Variants in REPS1 observed in about 807,000 individuals in gnomAD.
REPS1 encodes the protein RALBP1 associated Eps domain containing 1, also known as ralBP1-associated Eps domain-containing protein 1.
A neutral mutation model predicts 100.9 loss-of-function variants in REPS1; 39 were observed. That is an observed-to-expected ratio of 0.39 (90% confidence interval 0.30 to 0.50). REPS1 has a LOEUF of 0.50. Among genes scored for constraint, REPS1 ranks in the 20% least tolerant of loss-of-function variants. The pLI is 0.86. For synonymous variants in REPS1, 324 were observed against 340.3 expected, an observed-to-expected ratio of 0.95 and a Z score of 0.53; for missense variants, 821 against 968.5, an observed-to-expected ratio of 0.85 and a Z score of 2.02.
chr6:138,952,651 C>T (rs1016098981), intron 1 of REPS1, among the ~76,000 whole-genome samples: 2 of 151,948 alleles, frequency 1.3e-5, no homozygotes, highest in Non-Finnish European at 2.9e-5. Flanking sequence ...CCGCCTGCCT[C>T]AGTCTCTCAA....
At chr6:138,917,266 T>G (rs1780460973) in intron 13 of REPS1, among the ~76,000 whole-genome samples, 1 of 152,234 alleles carries the variant, frequency 6.6e-6, no homozygotes, top group African/African-American at 2.4e-5. Flanking sequence ...CATGTATTAC[T>G]TGACAGATTC....
intron 9 of REPS1, chr6:138,927,473 A>G (rs984502486): frequency 2.6e-5 from 4 of 152,180 alleles, no homozygotes; most frequent in Admixed American, 6.5e-5. Flanking sequence ...AGAGGAAAAA[A>G]CATCTACACA....
intron 1 of REPS1, among the ~76,000 whole-genome samples, chr6:138,948,274 A>C (rs1272494957): frequency 6.6e-6 from 1 of 152,196 alleles, no homozygotes. Flanking sequence ...GCAGCCATTT[A>C]AAGTGACGGT....
At chr6:138,980,181 A>G (rs1423964042) in intron 1 of REPS1, among the ~76,000 whole-genome samples, 1 of 152,114 alleles carries the variant, frequency 6.6e-6, no homozygotes, top group African/African-American at 2.4e-5. Context: ...ATTCTCACAG[A>G]TGTCCACTGC....
chr6:138,983,648 G>A (rs979987074), intron 1 of REPS1, among the ~76,000 whole-genome samples: 10 of 152,090 alleles, frequency 6.6e-5, no homozygotes, highest in African/African-American at 1.7e-4. Context: ...CATGCCCCCA[G>A]ATGACTCAGT....
intron 15 of REPS1, 75 bp from the exon 16 acceptor site, chr6:138,913,025 TC>T: frequency 7.8e-7 from 1 of 1,279,328 alleles, no homozygotes; most frequent in Non-Finnish European, 1.1e-6. Flanking sequence ...TTCTTCTTCT[TC>T]GAAAACTTAG....
At chr6:138,946,409 C>A (rs537380834) in intron 2 of REPS1, among the ~76,000 whole-genome samples, 2 of 152,194 alleles carry the variant, frequency 1.3e-5, no homozygotes, top group South Asian at 4.2e-4. Flanking sequence ...TACTTTTAGA[C>A]CAGAAAAAAT....
At chr6:138,911,711 G>C (rs1285780484) in intron 16 of REPS1, among the ~76,000 whole-genome samples, 1 of 151,368 alleles carries the variant, frequency 6.6e-6, no homozygotes, top group Admixed American at 6.6e-5. Context: ...GTGTGAGGGA[G>C]AGGAGGACGG....
intron 2 of REPS1, among the ~76,000 whole-genome samples, chr6:138,946,091 T>C (rs1255894079): frequency 2.0e-5 from 3 of 152,210 alleles, no homozygotes; most frequent in East Asian, 1.9e-4. Flanking sequence ...ACAGTTAAGA[T>C]ATAAACCTAG....
Position 138,945,346 on chromosome 6 carries a change from T to C in REPS1, c.501A>G (p.Pro167=). Residue 167 remains proline, a synonymous_variant, in exon 4 of 20, where the codon CCA becomes CCG. Coordinates refer to ENST00000450536, the MANE Select transcript of REPS1 (RefSeq NM_001286611.2). Reference sequence around the variant, plus strand: ...GTGGAGAAGTTGGTGGGGATTGCTGTGGTGAAACTACTGGGGATGCAGGTT... The same window carrying C: ...GTGGAGAAGTTGGTGGGGATTGCTGCGGTGAAACTACTGGGGATGCAGGTT... ...AQEPASPVVS[P]QQSPPTSPHT... The C allele has an allele frequency of 6.2e-7, 1 of 1,611,162 alleles. No individual in the cohort carries two copies. The highest frequency in any genetic ancestry group is 8.5e-7 in the Non-Finnish European group (1 of 1,179,028).
intron 8 of REPS1, among the ~76,000 whole-genome samples, chr6:138,933,409 A>C (rs1287256387): frequency 6.6e-6 from 1 of 152,232 alleles, no homozygotes; most frequent in African/African-American, 2.4e-5. Flanking sequence ...TGGACACTGA[A>C]ATTTGAATTT....
chr6:138,928,505 T>G (rs1431837179), intron 9 of REPS1: 1 of 152,084 alleles, frequency 6.6e-6, no homozygotes, highest in East Asian at 1.9e-4. Context: ...CGAAAAAAAA[T>G]TATGACATTC....
At chr6:138,976,791 C>T (rs1446500621) in intron 1 of REPS1, among the ~76,000 whole-genome samples, 2 of 152,118 alleles carry the variant, frequency 1.3e-5, no homozygotes, top group African/African-American at 2.4e-5. Flanking sequence ...TCACACAGAA[C>T]AGTGAATAAA....
At position 138,920,197 on chromosome 6, in the gene REPS1, A is replaced by T; in HGVS notation, c.1528+18T>A. On this transcript the variant is annotated intron_variant, in intron 12 of 19. Transcript: ENST00000450536. ...AGACTTAGTAAACTTCAAATGGAAG[A>T]TGTAATACTTCACTTACCTACAGTA... is the stretch of plus-strand genomic sequence containing the variant. 1 of 1,249,590 alleles carries T rather than the reference A, an allele frequency of 8.0e-7. No homozygotes were observed. Among genetic ancestry groups the T allele is most frequent in the Non-Finnish European group, 1.2e-6 (1 of 848,254 alleles). The allele number at this position is 1,249,590 out of a possible 1,614,324, so 77.4% of individuals were successfully genotyped here. A position where few individuals can be genotyped will look rare whatever the true frequency, so the allele number is the denominator to read the frequency against.
intron 1 of REPS1, among the ~76,000 whole-genome samples, chr6:138,982,340 C>T (rs570173273): frequency 1.3e-5 from 2 of 152,322 alleles, no homozygotes; most frequent in East Asian, 3.9e-4. Flanking sequence ...TTGCTCTACA[C>T]AAATGATCTA....
At chr6:138,955,828 T>C (rs1227011330) in intron 1 of REPS1, among the ~76,000 whole-genome samples, 2 of 152,172 alleles carry the variant, frequency 1.3e-5, no homozygotes, top group Non-Finnish European at 2.9e-5. Flanking sequence ...TGCCTCAGTT[T>C]CTTCATATAT....
intron 19 of REPS1, among the ~76,000 whole-genome samples, chr6:138,906,167 C>A (rs73559478): frequency 6.6e-6 from 1 of 152,160 alleles, no homozygotes; most frequent in Non-Finnish European, 1.5e-5. Context: ...TCTTCCTGTA[C>A]GATGGACTAA....
At chr6:138,934,787 T>C (rs917739320) in intron 8 of REPS1, among the ~76,000 whole-genome samples, 1 of 151,580 alleles carries the variant, frequency 6.6e-6, no homozygotes, top group Non-Finnish European at 1.5e-5. Context: ...TAGAAAGTTA[T>C]TCAATAACGA....
Position 138,945,579 on chromosome 6 carries a change from T to C in REPS1, c.396A>G (p.Pro132=), listed in dbSNP as rs199856577. ...NQGSYSGVIP[P]PPGRGQVKKG... Reference sequence around the variant, plus strand: ...TTTTCACTTGCCCCCTGCCAGGTGGTGGGGGAATTACACCAGAATACGACC... The same window carrying C: ...TTTTCACTTGCCCCCTGCCAGGTGGCGGGGGAATTACACCAGAATACGACC... The change falls in exon 3 of 20, where the codon CCA becomes CCG. Residue 132 remains proline, a synonymous_variant. Coordinates refer to ENST00000450536, the MANE Select transcript of REPS1 (RefSeq NM_001286611.2). The C allele has an allele frequency of 1.2e-6, 2 of 1,613,434 alleles. No individual in the cohort carries two copies. The highest frequency in any genetic ancestry group is 4.5e-5 in the East Asian group (2 of 44,852).
Sources: gnomAD v4.1 joint callset for allele counts (sites outside exome capture counted in the v4.1 genomes callset) on GRCh38, gnomAD v4.1.1 for gene constraint, MANE v1.5 for transcripts, NCBI Gene and HGNC (gene_info 2026-07-23, HGNC 2026-07-21) for gene names.